MALRD1: variants seen among roughly 807,000 people sequenced by gnomAD.
The protein encoded by MALRD1 is MAM and LDL-receptor class A domain-containing protein 1.
A neutral mutation model predicts 242.1 loss-of-function variants in MALRD1; 247 were observed. That is an observed-to-expected ratio of 1.02 (90% CI 0.92 to 1.13). The LOEUF (loss-of-function observed/expected upper bound fraction) is 1.13. MALRD1 is among the 50% of genes most tolerant of loss of function. The pLI is 0.00. For synonymous variants in MALRD1, 995 were observed against 866.6 expected (o/e 1.15, Z -2.60); for missense variants, 2,989 against 2,533.1 (o/e 1.18, Z -3.86).
chr10:19,678,853 CA>C (rs1195703845), intron 36 of MALRD1, among the ~76,000 whole-genome samples: 11 of 152,086 alleles, frequency 7.2e-5, no homozygotes, highest in Non-Finnish European at 1.5e-4. Context: ...GAGGTTTTAA[CA>C]GGAAGGGATG....
chr10:19,235,119 G>C (rs146706077), intron 18 of MALRD1, among the ~76,000 whole-genome samples: 4 of 152,266 alleles, frequency 2.6e-5, no homozygotes, highest in African/African-American at 9.6e-5. Context: ...TTGACCTGCA[G>C]GCCATGGGAG....
At chr10:19,521,460 A>T (rs765837859) in intron 31 of MALRD1, among the ~76,000 whole-genome samples, 1 of 152,098 alleles carries the variant, frequency 6.6e-6, no homozygotes, top group African/African-American at 2.4e-5. Flanking sequence ...CGTTATAAAT[A>T]TATATTAAAT....
intron 29 of MALRD1, among the ~76,000 whole-genome samples, chr10:19,485,272 A>G (rs1311339863): frequency 6.6e-6 from 1 of 152,192 alleles, no homozygotes; most frequent in Non-Finnish European, 1.5e-5. Context: ...AAAAGCCTAG[A>G]CTTTATCGCT....
intron 21 of MALRD1, among the ~76,000 whole-genome samples, chr10:19,296,843 C>T (rs1375786231): frequency 6.6e-6 from 1 of 151,604 alleles, no homozygotes; most frequent in East Asian, 1.9e-4. Flanking sequence ...AATTAGTTTG[C>T]AGTCTTTTAT....
chr10:19,605,275 C>G (rs1838556295), intron 34 of MALRD1, among the ~76,000 whole-genome samples: 2 of 151,586 alleles, frequency 1.3e-5, no homozygotes, highest in Admixed American at 6.6e-5. Flanking sequence ...CTTCCTCAGT[C>G]TCCCAAGTAG....
intron 1 of MALRD1, among the ~76,000 whole-genome samples, chr10:19,058,209 C>G (rs2131217990): frequency 6.6e-6 from 1 of 152,318 alleles, no homozygotes; most frequent in Admixed American, 6.5e-5. Context: ...TTCCATGGAG[C>G]AGCTGGAATT....
intron 18 of MALRD1, among the ~76,000 whole-genome samples, chr10:19,239,557 A>T (rs1298188577): frequency 6.6e-6 from 1 of 152,146 alleles, no homozygotes; most frequent in Non-Finnish European, 1.5e-5. Flanking sequence ...CGTCTCATTT[A>T]AAAAATTCTT....
chr10:19,477,354 T>A (rs554686132), intron 29 of MALRD1, among the ~76,000 whole-genome samples: 1 of 152,116 alleles, frequency 6.6e-6, no homozygotes. Flanking sequence ...AGTAATTGAA[T>A]GATATCATTC....
intron 36 of MALRD1, among the ~76,000 whole-genome samples, chr10:19,656,188 G>A (rs759401172): frequency 6.6e-6 from 1 of 152,072 alleles, no homozygotes; most frequent in Non-Finnish European, 1.5e-5. Context: ...CAGAGTATCT[G>A]ATATCTTAAC....
chr10:19,521,288 T>C (rs927899358), intron 31 of MALRD1, among the ~76,000 whole-genome samples: 1 of 152,174 alleles, frequency 6.6e-6, no homozygotes, highest in African/African-American at 2.4e-5. Context: ...CTTTCCATAA[T>C]CTTGCTTCCT....
chr10:19,466,421 AT>A (rs1356122969), intron 29 of MALRD1, among the ~76,000 whole-genome samples: 2 of 152,038 alleles, frequency 1.3e-5, no homozygotes, highest in East Asian at 3.9e-4. Flanking sequence ...GTGTTTCTAT[AT>A]TTTCTATCTT....
chr10:19,366,487 C>A (rs985594069), intron 26 of MALRD1, among the ~76,000 whole-genome samples: 2 of 152,142 alleles, frequency 1.3e-5, no homozygotes, highest in Admixed American at 6.6e-5. Context: ...TCCTAACAGG[C>A]TATGGACTGG....
intron 38 of MALRD1, among the ~76,000 whole-genome samples, chr10:19,715,735 T>C (rs576670810): frequency 3.3e-5 from 5 of 152,340 alleles, no homozygotes; most frequent in African/African-American, 1.2e-4. Context: ...CATCTGCTTA[T>C]GGTGAGGCCT....
chr10:19,178,972 C>A (rs1835380481), intron 14 of MALRD1, among the ~76,000 whole-genome samples: 1 of 152,160 alleles, frequency 6.6e-6, no homozygotes, highest in Non-Finnish European at 1.5e-5. Context: ...AAATGACTTG[C>A]CGGTGAGAAC....
At chr10:19,202,838 G>T (rs1836602301) in intron 14 of MALRD1, among the ~76,000 whole-genome samples, 1 of 151,838 alleles carries the variant, frequency 6.6e-6, no homozygotes, top group South Asian at 2.1e-4. Flanking sequence ...GTCAACAGTT[G>T]CGGAAAGAAT....
At chr10:19,128,408 A>C in intron 8 of MALRD1, 21 bp downstream of exon 8, 1 of 1,229,476 alleles carries the variant, frequency 8.1e-7, no homozygotes, top group African/African-American at 1.6e-5. Context: ...AGTTGCATTT[A>C]TTTCAAATTC....
chr10:19,491,497 G>GT lies in MALRD1; in HGVS notation c.5030-13dup, dbSNP rs745745640. 2.1e-5 allele frequency: 33 copies of GT among 1,546,812 alleles called. No individual in the cohort carries two copies. The East Asian group carries it at 5.6e-4, about 26-fold the overall frequency. On this transcript the variant is annotated intron_variant, in intron 29 of 39. Transcript: ENST00000454679. ...AAAATATTGATGGAATACTGCTTTT[G>GT]TTTTTTTGTTTTTCCCTAGTGGGAG...
chr10:19,646,116 T>C (rs1375274055), intron 36 of MALRD1, among the ~76,000 whole-genome samples: 1 of 152,200 alleles, frequency 6.6e-6, no homozygotes, highest in Non-Finnish European at 1.5e-5. Flanking sequence ...AACATGAGAC[T>C]GTTTCTTCTT....
intron 19 of MALRD1, among the ~76,000 whole-genome samples, chr10:19,263,838 A>G (rs1051489315): frequency 6.6e-6 from 1 of 152,152 alleles, no homozygotes; most frequent in East Asian, 1.9e-4. Flanking sequence ...TTACTACAGC[A>G]TTGTAATATA....
Sources: allele counts gnomAD v4.1 joint callset (sites outside exome capture counted in the v4.1 genomes callset), GRCh38; gene constraint gnomAD v4.1.1; transcripts MANE v1.5; gene names NCBI Gene and HGNC (gene_info 2026-07-23, HGNC 2026-07-21).